The following DTL variants were observed in gnomAD, a reference collection of about 807,000 sequenced individuals.
DTL encodes denticleless protein homolog.
A neutral mutation model predicts 87.0 loss-of-function variants in DTL; 46 were observed. The ratio of observed to expected loss-of-function variants is 0.53; its 90% CI spans 0.42 to 0.68. The LOEUF is 0.68. DTL is among the 30% of genes least tolerant of loss of function. The pLI is 0.00. For missense variants in DTL, 737 were observed against 869.4 expected (o/e 0.85, Z 1.91); for synonymous variants, 308 against 311.2 (o/e 0.99, Z 0.11).
chr1:212,046,176 G>A (rs145742937), intron 3 of DTL, among the ~76,000 whole-genome samples: 37 of 152,314 alleles, frequency 2.4e-4, no homozygotes, highest in African/African-American at 8.4e-4. Flanking sequence ...ACATCAGATG[G>A]TAGTAGTTCT....
intron 7 of DTL, 48 bp downstream of exon 7, chr1:212,065,077 T>C (rs1306598823): frequency 7.5e-7 from 1 of 1,331,310 alleles, no homozygotes; most frequent in Non-Finnish European, 1.1e-6. Flanking sequence ...ATCTGTAGGA[T>C]AGAATAAATG....
chr1:212,087,684 C>G (rs538234287), intron 13 of DTL, among the ~76,000 whole-genome samples: 1 of 152,148 alleles, frequency 6.6e-6, no homozygotes. Context: ...CAACCTGACA[C>G]GGGTTTTCAA....
chr1:212,060,671 A>T (rs1654250772), intron 5 of DTL, among the ~76,000 whole-genome samples: 1 of 151,006 alleles, frequency 6.6e-6, no homozygotes, highest in South Asian at 2.1e-4. Context: ...GGAGGCAGAA[A>T]TTGCAATGAG....
chr1:212,062,968 A>T lies in DTL; in HGVS notation c.526+19A>T, dbSNP rs747604937. Reference sequence around the variant, plus strand: ...AAAAAAGGTTATCTAGATCTATTTTAATTTTGAGAGATTTGGGATTACCCT... The same window carrying T: ...AAAAAAGGTTATCTAGATCTATTTTTATTTTGAGAGATTTGGGATTACCCT... On this transcript the variant is annotated intron_variant, in intron 6 of 14. Coordinates refer to ENST00000366991, the MANE Select transcript of DTL (RefSeq NM_016448.4). 6.3e-7 allele frequency: 1 copy of T among 1,589,592 alleles called. No homozygotes were observed. The highest frequency in any genetic ancestry group is 1.3e-5 in the African/African-American group (1 of 74,530).
intron 3 of DTL, 31 bp downstream of exon 3, chr1:212,044,789 C>A (rs548465111): frequency 3.6e-6 from 5 of 1,395,402 alleles, no homozygotes; most frequent in Admixed American, 1.9e-5. Context: ...TTTGTTTTAA[C>A]ATTTAAAAAA....
intron 13 of DTL, among the ~76,000 whole-genome samples, chr1:212,093,154 G>A (rs138897714): frequency 2.4e-4 from 37 of 152,136 alleles, no homozygotes; most frequent in Non-Finnish European, 4.0e-4. Context: ...CTTGCAGGGC[G>A]TGCGATGAGG....
In DTL at chr1:212,104,672, G is replaced by A. The variant is rs1045321152; in HGVS notation, c.*1732G>A. On this transcript the variant is annotated 3_prime_UTR_variant, in exon 15 of 15. Coordinates refer to ENST00000366991, the MANE Select transcript of DTL (RefSeq NM_016448.4). ...CCTGGCAGCCCTACTGAGTGAAATT[G>A]GGATACATTTGGCTGTCAGAAATTA... 50 of 152,214 alleles carry A rather than the reference G, an allele frequency of 3.3e-4. No individual in the cohort carries two copies. The highest frequency in any genetic ancestry group is 1.2e-3 in the African/African-American group (48 of 41,540). The allele number at this position is 152,214 out of a possible 1,614,324, so 9.4% of individuals were successfully genotyped here.
At chr1:212,078,805 C>CT (rs2102564941) in intron 12 of DTL, among the ~76,000 whole-genome samples, 1 of 152,150 alleles carries the variant, frequency 6.6e-6, no homozygotes, top group South Asian at 2.1e-4. Context: ...TATAGTGACA[C>CT]TTTAAGAAAC....
At chr1:212,097,346 G>T (rs1041557360) in intron 13 of DTL, among the ~76,000 whole-genome samples, 1 of 152,094 alleles carries the variant, frequency 6.6e-6, no homozygotes, top group African/African-American at 2.4e-5. Context: ...TTTTTGTGAT[G>T]AATTTCCTGG....
At chr1:212,038,258 T>A (rs2102521462) in intron 1 of DTL, among the ~76,000 whole-genome samples, 1 of 152,332 alleles carries the variant, frequency 6.6e-6, no homozygotes, top group Non-Finnish European at 1.5e-5. Flanking sequence ...TCATGAACAG[T>A]ATAACGAAAT....
intron 11 of DTL, among the ~76,000 whole-genome samples, chr1:212,073,602 T>A (rs1181294969): frequency 6.6e-6 from 1 of 152,222 alleles, no homozygotes; most frequent in Non-Finnish European, 1.5e-5. Context: ...GATTTCTATA[T>A]AACTGGAGTT....
rs1280640685 is a variant in DTL at position 212,101,042 on chromosome 1, A to G, written c.2052A>G (p.Thr684=). 1 of 1,613,200 alleles carries G rather than the reference A, an allele frequency of 6.2e-7. No homozygotes were observed. Among genetic ancestry groups the G allele is most frequent in the East Asian group, 2.2e-5 (1 of 44,862 alleles). ...NPSPRSPSSQ[T]PNSRRQSGKK... ...CTCCACGAAGTCCGTCATCCCAGAC[A>G]CCCAATTCCAGGAGACAGAGCGGAA... Residue 684 remains threonine, a synonymous_variant, in exon 14 of 15, where the codon ACA becomes ACG. Coordinates refer to ENST00000366991, the MANE Select transcript of DTL (RefSeq NM_016448.4).
intron 5 of DTL, among the ~76,000 whole-genome samples, chr1:212,052,803 G>GT (rs1052827085): frequency 8.1e-5 from 12 of 147,530 alleles, no homozygotes; most frequent in Middle Eastern, 3.4e-3. Context: ...TTGAGGTTTT[G>GT]TTTTTTTTCA....
chr1:212,036,271 A>G (rs899521536), intron 1 of DTL, among the ~76,000 whole-genome samples: 10 of 152,170 alleles, frequency 6.6e-5, no homozygotes, highest in African/African-American at 2.4e-4. Context: ...TTCAACGGTT[A>G]TTTGAGATGC....
In DTL at chr1:212,047,077, A is replaced by T. The variant is rs1373763875; in HGVS notation, c.278-74A>T. 1.8e-5 allele frequency: 25 copies of T among 1,375,092 alleles called. No individual in the cohort carries two copies. In the Admixed American group the frequency reaches 2.8e-4, roughly 15 times the overall value. The allele number at this position is 1,375,092 out of a possible 1,614,324, so 85.2% of individuals were successfully genotyped here. On this transcript the variant is annotated intron_variant, in intron 3 of 14. Coordinates refer to ENST00000366991, the MANE Select transcript of DTL (RefSeq NM_016448.4). ...TTTTTACTACTACAGCTTTCCAGGC[A>T]TTTAAAGTTATATTAATATGGGTAC...
intron 6 of DTL, 131 bp from the exon 7 acceptor site, chr1:212,064,786 G>A (rs1429097150): frequency 1.5e-6 from 1 of 683,778 alleles, no homozygotes; most frequent in Non-Finnish European, 2.6e-6. Flanking sequence ...GAGATGTAGT[G>A]CAGCTGGCTC....
intron 5 of DTL, among the ~76,000 whole-genome samples, chr1:212,056,795 A>G (rs1668190820): frequency 6.6e-6 from 1 of 152,154 alleles, no homozygotes; most frequent in Non-Finnish European, 1.5e-5. Flanking sequence ...AGAGATAGGT[A>G]TCATAAAATA....
intron 13 of DTL, among the ~76,000 whole-genome samples, chr1:212,087,211 A>G (rs1655155161): frequency 6.6e-6 from 1 of 152,208 alleles, no homozygotes; most frequent in East Asian, 1.9e-4. Context: ...GTCTGATTCT[A>G]GAACACATGC....
chr1:212,067,032 A>T, intron 8 of DTL, 147 bp downstream of exon 8: 1 of 655,504 alleles, frequency 1.5e-6, no homozygotes. Context: ...GCTATAGATC[A>T]CATTGGAAAA....
Sources: allele counts gnomAD v4.1 joint callset (sites outside exome capture counted in the v4.1 genomes callset), GRCh38; gene constraint gnomAD v4.1.1; transcripts MANE v1.5; gene names NCBI Gene and HGNC (gene_info 2026-07-23, HGNC 2026-07-21).